Variants in AMPH observed in about 807,000 individuals in gnomAD.
The protein encoded by AMPH is amphiphysin, also known as amphiphysin (Stiff-Mann syndrome with breast cancer 128kD autoantigen).
A neutral mutation model predicts 99.1 loss-of-function variants in AMPH; 49 were observed. The ratio of observed to expected loss-of-function variants is 0.49; its 90% CI spans 0.39 to 0.63. The LOEUF (loss-of-function observed/expected upper bound fraction) is 0.63. AMPH is among the 20% of genes least tolerant of loss of function. The pLI is 0.00. For synonymous variants in AMPH, 314 were observed against 317.3 expected, an observed-to-expected ratio of 0.99 and a Z score of 0.11; for missense variants, 759 against 863.4, an observed-to-expected ratio of 0.88 and a Z score of 1.52.
chr7:38,466,293 C>T (rs766231097), intron 7 of AMPH, 45 bp from the exon 8 acceptor site: 3 of 1,451,068 alleles, frequency 2.1e-6, no homozygotes, highest in East Asian at 4.9e-5. Context: ...GAGGGAAAGA[C>T]CAGTCAGTAA....
chr7:38,538,316 C>G lies in AMPH; in HGVS notation c.70-3305G>C, dbSNP rs551014880. 4.4e-4 allele frequency among the ~76,000 whole-genome samples: 67 copies of G among 152,234 alleles called. 1 individual carries two copies. Among genetic ancestry groups the G allele is most frequent in the African/African-American group, 1.3e-3 (55 of 41,540 alleles). On this transcript the variant is annotated intron_variant, in intron 1 of 20. Transcript: ENST00000356264. ...AATGAACAGTAGCAAAGAAGAAATC[C>G]TCTTCATATTTACTAAAGACTGTGT...
intron 2 of AMPH, among the ~76,000 whole-genome samples, chr7:38,524,674 G>A (rs1246946689): frequency 1.3e-5 from 2 of 152,114 alleles, no homozygotes; most frequent in South Asian, 2.1e-4. Context: ...GGAAGTCTAG[G>A]TGAATGGTAC....
chr7:38,517,225 G>C (rs186374761), intron 2 of AMPH, among the ~76,000 whole-genome samples: 2 of 152,290 alleles, frequency 1.3e-5, no homozygotes, highest in Admixed American at 1.3e-4. Flanking sequence ...GTTTGGATTA[G>C]TGTCCCCACT....
chr7:38,574,813 T>C (rs974441040), intron 1 of AMPH, among the ~76,000 whole-genome samples: 5 of 152,078 alleles, frequency 3.3e-5, no homozygotes, highest in African/African-American at 4.8e-5. Flanking sequence ...CCTAGCACTT[T>C]GGGAGGCCGG....
intron 3 of AMPH, among the ~76,000 whole-genome samples, chr7:38,499,207 C>G (rs1562792941): frequency 6.6e-6 from 1 of 152,216 alleles, no homozygotes; most frequent in Non-Finnish European, 1.5e-5. Flanking sequence ...TCTTCTCACT[C>G]TGCTGTGAGC....
intron 2 of AMPH, among the ~76,000 whole-genome samples, chr7:38,508,310 A>G (rs1201541358): frequency 2.0e-5 from 3 of 152,202 alleles, no homozygotes; most frequent in Admixed American, 6.5e-5. Context: ...TTTTATTATT[A>G]AGGTTAAGCA....
intron 14 of AMPH, chr7:38,429,561 CT>C: frequency 7.0e-7 from 1 of 1,432,792 alleles, no homozygotes; most frequent in Non-Finnish European, 9.2e-7. Context: ...CAAGGAAAGA[CT>C]TTCTGAAGAG....
chr7:38,513,957 A>C (rs1166527840), intron 2 of AMPH, among the ~76,000 whole-genome samples: 1 of 152,144 alleles, frequency 6.6e-6, no homozygotes, highest in East Asian at 1.9e-4. Flanking sequence ...TCCTTCTCCC[A>C]GCTATAGTCT....
intron 1 of AMPH, among the ~76,000 whole-genome samples, chr7:38,576,020 T>C (rs1440694063): frequency 6.6e-6 from 1 of 152,216 alleles, no homozygotes; most frequent in Non-Finnish European, 1.5e-5. Context: ...GCCTTCGAAT[T>C]CTAAGTTGGC....
In AMPH at chr7:38,391,891, T is replaced by C; in HGVS notation, c.1735A>G (p.Ser579Gly). Residue 579 changes from serine to glycine, a missense_variant, in exon 19 of 21, where the codon AGC becomes GGC. By Grantham distance (56) the Ser-to-Gly change is moderately conservative. Around this residue, in one of 2 missense-constraint regions of AMPH, gnomAD observed 554 missense variants for 575.6 expected, o/e 0.96. Coordinates refer to ENST00000356264, the MANE Select transcript of AMPH (RefSeq NM_001635.4). ...TEDAAPPGPT[S>G]ETPELATEQK... Reference sequence around the variant, plus strand: ...TCCGTAGCCAGCTCCGGTGTCTCGCTGGTGGGGCCCGGAGGAGCCGCGTCC... The same window carrying C: ...TCCGTAGCCAGCTCCGGTGTCTCGCCGGTGGGGCCCGGAGGAGCCGCGTCC... 1 of 1,612,646 alleles carries C rather than the reference T, an allele frequency of 6.2e-7. No individual in the cohort carries two copies. The highest frequency in any genetic ancestry group is 1.1e-5 in the South Asian group (1 of 90,992).
chr7:38,540,069 T>C (rs1301325534), intron 1 of AMPH, among the ~76,000 whole-genome samples: 2 of 152,234 alleles, frequency 1.3e-5, no homozygotes, highest in African/African-American at 2.4e-5. Flanking sequence ...GCACTATTGA[T>C]ATTACAGGAG....
intron 9 of AMPH, 103 bp from the exon 10 acceptor site, chr7:38,463,216 G>C: frequency 5.3e-6 from 8 of 1,498,252 alleles, no homozygotes; most frequent in Non-Finnish European, 7.4e-6. Context: ...AACAGGTACT[G>C]TCTGTTGTCC....
intron 11 of AMPH, among the ~76,000 whole-genome samples, chr7:38,439,976 T>C (rs183231000): frequency 4.9e-4 from 74 of 152,278 alleles, no homozygotes; most frequent in Non-Finnish European, 1.5e-4. Context: ...CTTTAGCTAA[T>C]GGATATTAGT....
intron 2 of AMPH, among the ~76,000 whole-genome samples, chr7:38,525,277 TAGAGAGAGAGAGAG>T (rs66462162): frequency 0.088 from 7,591 of 86,554 alleles, 270 homozygotes; most frequent in Non-Finnish European, 0.11. Flanking sequence ...TATATATATA[TAGAGAGAGAGAGAG>T]AGAGAGAGAG....
intron 1 of AMPH, among the ~76,000 whole-genome samples, chr7:38,554,542 A>G (rs1423596606): frequency 1.3e-5 from 2 of 152,230 alleles, no homozygotes; most frequent in African/African-American, 2.4e-5. Flanking sequence ...GTTCATTATA[A>G]ATACTTTACT....
rs550880992 is a variant in AMPH at position 38,548,423 on chromosome 7, GAC to G, written c.70-13414_70-13413del. 3.8e-4 allele frequency among the ~76,000 whole-genome samples: 58 copies of G among 152,248 alleles called. No individual in the cohort carries two copies. In the South Asian group the frequency reaches 0.011, roughly 28 times the overall value. ...GAATAAAATGGAAGCAAGTTTGCCTGACACAGTTCCCAACTTGACTCTTCCCT... is the reference window on the plus strand; with the variant it reads ...GAATAAAATGGAAGCAAGTTTGCCTGACAGTTCCCAACTTGACTCTTCCCT... On this transcript the variant is annotated intron_variant, in intron 1 of 20. Coordinates refer to ENST00000356264, the MANE Select transcript of AMPH (RefSeq NM_001635.4).
At chr7:38,550,471 C>G (rs1791142507) in intron 1 of AMPH, among the ~76,000 whole-genome samples, 1 of 152,228 alleles carries the variant, frequency 6.6e-6, no homozygotes, top group Non-Finnish European at 1.5e-5. Flanking sequence ...CTGTAATGAT[C>G]ACACGATACA....
intron 17 of AMPH, among the ~76,000 whole-genome samples, chr7:38,410,615 A>AT (rs1188688703): frequency 6.6e-6 from 1 of 152,204 alleles, no homozygotes; most frequent in Non-Finnish European, 1.5e-5. Flanking sequence ...AAAGTAATAC[A>AT]TTTTGATTTT....
At chr7:38,570,927 T>TTATATATATATA (rs142367196) in intron 1 of AMPH, among the ~76,000 whole-genome samples, 9 of 20,054 alleles carry the variant, frequency 4.5e-4, no homozygotes, top group Non-Finnish European at 7.0e-4. Context: ...ACAAAAAAAT[T>TTATATATATATA]TATATATATA....
Sources: gnomAD v4.1 joint callset for allele counts (sites outside exome capture counted in the v4.1 genomes callset) on GRCh38, gnomAD v4.1.1 for gene constraint, gnomAD v4.1.1 regional missense constraint, MANE v1.5 for transcripts, NCBI Gene and HGNC (gene_info 2026-07-23, HGNC 2026-07-21) for gene names.